Variants in GNG4 observed in about 807,000 individuals in gnomAD.
GNG4 encodes guanine nucleotide-binding protein G(I)/G(S)/G(O) subunit gamma-4.
In GNG4, 4 loss-of-function variants were observed where a neutral mutation model predicts 5.8. The observed-to-expected ratio is 0.69, with a 90% confidence interval of 0.34 to 1.57. The LOEUF (loss-of-function observed/expected upper bound fraction) is 1.57, where lower values mean the gene tolerates loss of function less well. Among genes scored for constraint, GNG4 ranks in the 40% most tolerant of loss-of-function variants. The pLI, the probability that GNG4 is intolerant of heterozygous loss-of-function variation, is 0.06. For missense variants in GNG4, 96 were observed against 95.1 expected, an observed-to-expected ratio of 1.01 and a Z score of -0.04; for synonymous variants, 29 against 32.9, an observed-to-expected ratio of 0.88 and a Z score of 0.41.
In GNG4 at chr1:235,642,541, A is replaced by G. The variant is rs189965182; in HGVS notation, c.-123+7121T>C. ...CAACTGCTTCAACGCAGAAAGAATGAGTCATCCAGGAAGGCGAGGTGGTGG... is the reference window on the plus strand; with the variant it reads ...CAACTGCTTCAACGCAGAAAGAATGGGTCATCCAGGAAGGCGAGGTGGTGG... On this transcript the variant is annotated intron_variant, in intron 1 of 3. Transcript: ENST00000391854. This position sits in a 1 kb window ranked among gnomAD's most constrained non-coding sequence, Gnocchi z 4.3. Among the ~76,000 whole-genome samples, 1 of 151,406 alleles carries G rather than the reference A, an allele frequency of 6.6e-6. No homozygotes were observed. The highest frequency in any genetic ancestry group is 6.6e-5 in the Admixed American group (1 of 15,228).
chr1:235,597,631 T>TG (rs71174447), intron 1 of GNG4, among the ~76,000 whole-genome samples: 15 of 107,868 alleles, frequency 1.4e-4, no homozygotes, highest in South Asian at 5.7e-4. Flanking sequence ...TGTGTGTGTA[T>TG]TTTTTTTTTT....
At chr1:235,575,694 G>A (rs920531002) in intron 3 of GNG4, among the ~76,000 whole-genome samples, 1 of 152,200 alleles carries the variant, frequency 6.6e-6, no homozygotes, top group Non-Finnish European at 1.5e-5. Context: ...CTAGTCCCTG[G>A]CTGAGAGTTG....
chr1:235,596,644 T>G (rs1688131818), intron 1 of GNG4, among the ~76,000 whole-genome samples: 3 of 152,258 alleles, frequency 2.0e-5, no homozygotes, highest in African/African-American at 7.2e-5. Flanking sequence ...TGATGTATAA[T>G]ATACTTACAT....
At chr1:235,637,183 C>G (rs184669143) in intron 1 of GNG4, among the ~76,000 whole-genome samples, 1 of 152,112 alleles carries the variant, frequency 6.6e-6, no homozygotes, top group Non-Finnish European at 1.5e-5. Flanking sequence ...TTTGAAAATC[C>G]AAGCACAGCC....
intron 1 of GNG4, among the ~76,000 whole-genome samples, chr1:235,641,668 G>A (rs769792144): frequency 6.6e-6 from 1 of 152,132 alleles, no homozygotes; most frequent in African/African-American, 2.4e-5. Flanking sequence ...TCCAACTTGG[G>A]TGACAGAGCA....
chr1:235,576,060 C>CT (rs58409885), intron 3 of GNG4, among the ~76,000 whole-genome samples: 73 of 112,904 alleles, frequency 6.5e-4, no homozygotes, highest in South Asian at 2.3e-3. Flanking sequence ...CATATATGTA[C>CT]TTTTTTTTTT....
chr1:235,638,378 A>C (rs1657197150), intron 1 of GNG4, among the ~76,000 whole-genome samples: 1 of 152,214 alleles, frequency 6.6e-6, no homozygotes, highest in Non-Finnish European at 1.5e-5. Context: ...ACTAAAATCA[A>C]GGTGCCAGGA....
chr1:235,581,996 A>G (rs947345941), intron 3 of GNG4, among the ~76,000 whole-genome samples: 14 of 152,178 alleles, frequency 9.2e-5, no homozygotes, highest in Admixed American at 9.2e-4. Flanking sequence ...ACTGGGGCCC[A>G]CTGTCTTTTC....
At chr1:235,606,673 C>T (rs151062522) in intron 1 of GNG4, among the ~76,000 whole-genome samples, 1 of 152,254 alleles carries the variant, frequency 6.6e-6, no homozygotes, top group Non-Finnish European at 1.5e-5. Context: ...AAGCACATGG[C>T]CAGCAGACAG....
chr1:235,643,966 G>A (rs1399960495), intron 1 of GNG4, among the ~76,000 whole-genome samples: 1 of 152,198 alleles, frequency 6.6e-6, no homozygotes, highest in Non-Finnish European at 1.5e-5. Flanking sequence ...ACGCGGCAGA[G>A]CAGGGGCTGA....
intron 3 of GNG4, among the ~76,000 whole-genome samples, chr1:235,581,394 TG>T (rs1252985691): frequency 6.6e-6 from 1 of 151,172 alleles, no homozygotes; most frequent in Non-Finnish European, 1.5e-5. Flanking sequence ...CCGGGCGTGG[TG>T]GTGGGCGCCT....
chr1:235,571,325 A>C (rs115659650), intron 3 of GNG4, among the ~76,000 whole-genome samples: 19 of 152,258 alleles, frequency 1.2e-4, no homozygotes, highest in African/African-American at 4.1e-4. Flanking sequence ...GGCTCTCATC[A>C]CTTTTCAGCT....
chr1:235,585,463 AAAGT>A (rs1404947852), intron 2 of GNG4, among the ~76,000 whole-genome samples: 3 of 152,192 alleles, frequency 2.0e-5, no homozygotes, highest in Non-Finnish European at 4.4e-5. Context: ...ATTTTCTTAG[AAAGT>A]AAGCAGTTAC....
At chr1:235,554,575 G>A (rs990683544) in intron 3 of GNG4, among the ~76,000 whole-genome samples, 1 of 152,142 alleles carries the variant, frequency 6.6e-6, no homozygotes, top group Non-Finnish European at 1.5e-5. Context: ...TGGACGCAGT[G>A]GCTCACACCT....
chr1:235,645,231 T>C (rs1017284773), intron 1 of GNG4, among the ~76,000 whole-genome samples: 21 of 152,074 alleles, frequency 1.4e-4, no homozygotes, highest in Non-Finnish European at 2.8e-4. Context: ...TGCTGGGCCA[T>C]TGTGGAGAAG....
At chr1:235,599,327 T>C (rs1688200113) in intron 1 of GNG4, among the ~76,000 whole-genome samples, 4 of 151,754 alleles carry the variant, frequency 2.6e-5, no homozygotes, top group South Asian at 4.2e-4. Context: ...TTTGTTTTTT[T>C]TTTTTTTGAG....
At chr1:235,569,569 G>A (rs901072802) in intron 3 of GNG4, among the ~76,000 whole-genome samples, 1 of 148,904 alleles carries the variant, frequency 6.7e-6, no homozygotes, top group Non-Finnish European at 1.5e-5. Flanking sequence ...TGCTCTTGTT[G>A]CCCAGGCTGG....
At chr1:235,588,024 C>G (rs550226053) in intron 2 of GNG4, among the ~76,000 whole-genome samples, 1 of 151,810 alleles carries the variant, frequency 6.6e-6, no homozygotes, top group Non-Finnish European at 1.5e-5. Context: ...CTCTCAGTCC[C>G]GTCAGGCCCC....
intron 1 of GNG4, among the ~76,000 whole-genome samples, chr1:235,632,208 T>A (rs1688945549): frequency 6.6e-6 from 1 of 152,076 alleles, no homozygotes; most frequent in South Asian, 2.1e-4. Context: ...CCTGCCTCCT[T>A]CCTGAGGAGC....
Sources: allele counts gnomAD v4.1 joint callset (sites outside exome capture counted in the v4.1 genomes callset), GRCh38; gene constraint gnomAD v4.1.1; non-coding constraint Gnocchi (gnomAD v3.1); transcripts MANE v1.5; gene names NCBI Gene and HGNC (gene_info 2026-07-23, HGNC 2026-07-21).